The following MACF1 variants were observed in gnomAD, a reference collection of about 807,000 sequenced individuals.
MACF1 encodes microtubule-actin cross-linking factor 1.
Under a neutral mutation model 854.8 loss-of-function variants are expected in MACF1, and 193 were observed. That is an observed-to-expected ratio of 0.23 (90% confidence interval 0.20 to 0.25). The LOEUF (loss-of-function observed/expected upper bound fraction) is 0.25. Among genes scored for constraint, MACF1 ranks in the 10% least tolerant of loss-of-function variants. MACF1 has a pLI of 1.00. For synonymous variants in MACF1, 3,185 were observed against 3,226.7 expected, an observed-to-expected ratio of 0.99 and a Z score of 0.44; for missense variants, 7,722 against 8,929.1, an observed-to-expected ratio of 0.86 and a Z score of 5.45.
chr1:39,316,339 C>T (rs769928530), intron 27 of MACF1, 52 bp from the exon 28 acceptor site: 1 of 1,524,410 alleles, frequency 6.6e-7, no homozygotes, highest in Non-Finnish European at 8.9e-7. Flanking sequence ...GTATATAACC[C>T]TGGCTCCTAA....
At chr1:39,330,848 C>A (rs1260775050) in intron 36 of MACF1, among the ~76,000 whole-genome samples, 2 of 150,180 alleles carry the variant, frequency 1.3e-5, no homozygotes, top group African/African-American at 2.5e-5. Flanking sequence ...GTTGCCCAGG[C>A]TGGAGTGCAG....
intron 6 of MACF1, among the ~76,000 whole-genome samples, chr1:39,271,494 T>C (rs1443777307): frequency 6.6e-6 from 1 of 152,150 alleles, no homozygotes; most frequent in African/African-American, 2.4e-5. Context: ...CCACTTCCAG[T>C]ATTAGGGATT....
rs143342430 is a variant in MACF1, at chr1:39,354,639, G to A, written c.11424+1408G>A. 5.9e-3 allele frequency among the ~76,000 whole-genome samples: 895 copies of A among 152,082 alleles called. 9 individuals are homozygous for A. Among genetic ancestry groups the A allele is most frequent in the African/African-American group, 0.02 (846 of 41,480 alleles). ...AGACTGGTCTCAAACTCCTGACCTC[G>A]GGTGATTTGCTCACCTCCCAAAGTG... On this transcript the variant is annotated intron_variant, in intron 44 of 100. Coordinates refer to ENST00000564288, the MANE Select transcript of MACF1 (RefSeq NM_001394062.1).
chr1:39,085,408 G>GT (rs1232331462), intron 2 of MACF1, among the ~76,000 whole-genome samples: 3 of 152,120 alleles, frequency 2.0e-5, no homozygotes, highest in Non-Finnish European at 2.9e-5. Flanking sequence ...AGCTAATTCA[G>GT]TGACATCACC....
intron 31 of MACF1, among the ~76,000 whole-genome samples, chr1:39,320,290 C>G (rs1646489925): frequency 6.6e-6 from 1 of 152,188 alleles, no homozygotes; most frequent in South Asian, 2.1e-4. Context: ...TGCTTCTGCT[C>G]TGGCCCCCAC....
chr1:39,296,810 G>T (rs1272617973), intron 20 of MACF1, among the ~76,000 whole-genome samples: 1 of 119,204 alleles, frequency 8.4e-6, no homozygotes, highest in Admixed American at 7.7e-5. Context: ...GGAAAAGAAA[G>T]AAAGGAAGGA....
At position 39,205,130 on chromosome 1, in the gene MACF1, A is replaced by G. The variant is rs1302137916; in HGVS notation, c.108A>G (p.Ala36=). The G allele has an allele frequency of 1.4e-6, 1 of 703,012 alleles. No individual in the cohort carries two copies. Among genetic ancestry groups the G allele is most frequent in the African/African-American group, 1.7e-5 (1 of 57,372 alleles). The allele number at this position is 703,012 out of a possible 1,614,324, so 43.5% of individuals were successfully genotyped here. A position where few individuals can be genotyped will look rare whatever the true frequency, so the allele number is the denominator to read the frequency against. Residue 36 remains alanine (A), a splice_region_variant and synonymous_variant, in exon 1 of 101, where the codon GCA becomes GCG. Transcript: ENST00000564288. ...GGAAGAGGCATGCCAGAGGTAGAGC[A>G]GGTAACTAACTGGTACCCAGTTATT... ...LYWKRHARGR[A]DERDRVQKKT...
chr1:39,398,300 G>A (rs1642351997), intron 58 of MACF1, among the ~76,000 whole-genome samples: 1 of 151,978 alleles, frequency 6.6e-6, no homozygotes, highest in African/African-American at 2.4e-5. Flanking sequence ...TGCCATTCCT[G>A]GCTAATTTTT....
chr1:39,272,722 C>T (rs556680439), intron 6 of MACF1, among the ~76,000 whole-genome samples: 2 of 152,224 alleles, frequency 1.3e-5, no homozygotes, highest in East Asian at 3.9e-4. Flanking sequence ...GTGCTTCTTG[C>T]TAGTGTAGGG....
In MACF1 at chr1:39,284,242, A is replaced by G. The variant is rs532952260; in HGVS notation, c.1035+57A>G. 15 of 1,594,896 alleles carry G rather than the reference A, an allele frequency of 9.4e-6. No individual in the cohort carries two copies. The East Asian group carries it at 3.4e-4, about 36-fold the overall frequency. ...AATCTTTCTAGGGAGTAAGTCTCCA[A>G]GCTTATCACTGCTGGCTTCTAGGTG... On this transcript the variant is annotated intron_variant, in intron 10 of 100. Coordinates refer to ENST00000564288, the MANE Select transcript of MACF1 (RefSeq NM_001394062.1).
Position 39,357,878 on chromosome 1 carries a change from T to G in MACF1, c.11928T>G (p.Thr3976=). Residue 3976 remains threonine (T), a synonymous_variant, in exon 45 of 101, where the codon ACT becomes ACG. Transcript: ENST00000564288. ...TGAAGGATGCAACAGAAAGATACAC[T>G]GCTCTCCACTCAAAGGTAAGGGGGC... ...DKLKDATERY[T]ALHSKCTRLG... 6.2e-7 allele frequency: 1 copy of G among 1,610,902 alleles called. No individual in the cohort carries two copies. Among genetic ancestry groups the G allele is most frequent in the East Asian group, 2.2e-5 (1 of 44,870 alleles).
rs149906640 is a variant in MACF1 at position 39,152,689 on chromosome 1, T to C, written c.220+68251T>C. 7.9e-3 allele frequency among the ~76,000 whole-genome samples: 1,207 copies of C among 152,324 alleles called. 5 individuals are homozygous for C. The highest frequency in any genetic ancestry group is 0.012 in the Non-Finnish European group (844 of 68,018). ...CTATCTTGGACTTTCTTTTTAAATA[T>C]AGCCTCATTGTTAGCAAAAGGCAGC... On this transcript the variant is annotated intron_variant, in intron 2 of 93. Transcript: ENST00000361689.
intron 2 of MACF1, among the ~76,000 whole-genome samples, chr1:39,247,285 A>G (rs1354904744): frequency 3.3e-5 from 5 of 151,612 alleles, no homozygotes; most frequent in Non-Finnish European, 7.4e-5. Context: ...GTTAGCCAGG[A>G]TGGTCTCGAT....
chr1:39,341,185 C>A (rs1014110079), intron 40 of MACF1, among the ~76,000 whole-genome samples: 2 of 151,584 alleles, frequency 1.3e-5, no homozygotes, highest in African/African-American at 2.4e-5. Flanking sequence ...AGGCGCCTAC[C>A]TCCACGCCCG....
chr1:39,413,109 C>T (rs757756785), intron 58 of MACF1: 18 of 1,607,364 alleles, frequency 1.1e-5, no homozygotes, highest in South Asian at 6.7e-5. Flanking sequence ...TGTCAGCTGT[C>T]GCAGGGTTCT....
intron 2 of MACF1, among the ~76,000 whole-genome samples, chr1:39,107,159 C>T (rs1642265814): frequency 6.6e-6 from 1 of 152,134 alleles, no homozygotes; most frequent in African/African-American, 2.4e-5. Flanking sequence ...CGGGCTGTGA[C>T]AGCTTCAAAC....
chr1:39,390,188 C>G (rs987788605), intron 58 of MACF1, among the ~76,000 whole-genome samples: 2 of 152,224 alleles, frequency 1.3e-5, no homozygotes, highest in African/African-American at 4.8e-5. Context: ...ACTTTCAGCA[C>G]TTTGTTTCCA....
intron 2 of MACF1, among the ~76,000 whole-genome samples, chr1:39,110,730 T>A (rs1339013143): frequency 6.6e-6 from 1 of 152,256 alleles, no homozygotes; most frequent in Admixed American, 6.5e-5. Flanking sequence ...AATGTGTCCA[T>A]GTGCTAACAG....
chr1:39,284,553 A>T (rs1571265841), intron 11 of MACF1, 125 bp downstream of exon 11: 1 of 522,784 alleles, frequency 1.9e-6, no homozygotes. Context: ...CCTGGTGACA[A>T]ATAATAGCAC....
Sources: allele counts gnomAD v4.1 joint callset (sites outside exome capture counted in the v4.1 genomes callset), GRCh38; gene constraint gnomAD v4.1.1; transcripts MANE v1.5; gene names NCBI Gene and HGNC (gene_info 2026-07-23, HGNC 2026-07-21).